Variants in MSRB3 observed in about 807,000 individuals in gnomAD.
The protein encoded by MSRB3 is methionine sulfoxide reductase B3.
A neutral mutation model predicts 21.0 loss-of-function variants in MSRB3; 13 were observed. The observed-to-expected ratio is 0.62, with a 90% CI of 0.40 to 0.98. The LOEUF (loss-of-function observed/expected upper bound fraction) is 0.98, where lower values mean the gene tolerates loss of function less well. MSRB3 is among the 50% of genes least tolerant of loss of function. The probability of loss-of-function intolerance (pLI) is 0.00; values close to 1 mark genes in which losing one functional copy is unlikely to be tolerated. For synonymous variants in MSRB3, 87 were observed against 88.6 expected (o/e 0.98, Z 0.10); for missense variants, 199 against 230.3 (o/e 0.86, Z 0.88).
intron 5 of MSRB3, among the ~76,000 whole-genome samples, chr12:65,435,210 G>A (rs941703902): frequency 6.6e-6 from 1 of 151,874 alleles, no homozygotes; most frequent in Non-Finnish European, 1.5e-5. Flanking sequence ...TTGTATAAGA[G>A]GTGGTAAAGA....
At chr12:65,407,354 T>G (rs1468237418) in intron 5 of MSRB3, among the ~76,000 whole-genome samples, 1 of 152,084 alleles carries the variant, frequency 6.6e-6, no homozygotes, top group Non-Finnish European at 1.5e-5. Context: ...TTTTTTTCTT[T>G]TAACACTTTA....
At chr12:65,375,295 A>G (rs1487299846) in intron 5 of MSRB3, among the ~76,000 whole-genome samples, 1 of 151,824 alleles carries the variant, frequency 6.6e-6, no homozygotes, top group East Asian at 1.9e-4. Context: ...CTTTCGAATA[A>G]TTTTCTATTG....
At chr12:65,408,813 G>C (rs752914537) in intron 5 of MSRB3, among the ~76,000 whole-genome samples, 4 of 152,168 alleles carry the variant, frequency 2.6e-5, no homozygotes, top group African/African-American at 7.2e-5. Flanking sequence ...CTCTGAGATT[G>C]ATTAGGCTCT....
At chr12:65,395,728 G>A (rs1215457388) in intron 5 of MSRB3, among the ~76,000 whole-genome samples, 1 of 152,118 alleles carries the variant, frequency 6.6e-6, no homozygotes, top group East Asian at 1.9e-4. Context: ...CTTCTTGTGT[G>A]AGTTGGATAG....
intron 1 of MSRB3, among the ~76,000 whole-genome samples, chr12:65,302,655 G>A (rs1873406058): frequency 6.6e-6 from 1 of 152,112 alleles, no homozygotes; most frequent in African/African-American, 2.4e-5. Flanking sequence ...AATCACAAAA[G>A]GATCTCTGTT....
chr12:65,390,285 A>C (rs1879407054), intron 5 of MSRB3, among the ~76,000 whole-genome samples: 1 of 152,160 alleles, frequency 6.6e-6, no homozygotes, highest in Non-Finnish European at 1.5e-5. Flanking sequence ...CAACTCCTTC[A>C]GCTTTGTCCT....
At chr12:65,413,521 C>G (rs1406304098) in intron 5 of MSRB3, among the ~76,000 whole-genome samples, 1 of 152,072 alleles carries the variant, frequency 6.6e-6, no homozygotes, top group East Asian at 1.9e-4. Context: ...TTAGCTTATT[C>G]TCTTCTTTTG....
rs116402668 is a variant in MSRB3 at position 65,335,849 on chromosome 12, C to T, written c.263+7246C>T. On this transcript the variant is annotated intron_variant, in intron 4 of 6. Coordinates refer to ENST00000308259, the MANE Select transcript of MSRB3 (RefSeq NM_001031679.3). ...CATAATTCCAGAAAATGTTTCTTAA[C>T]CTCTAACGAAGTACATTTAACTTGA... 4.0e-3 allele frequency among the ~76,000 whole-genome samples: 605 copies of T among 152,272 alleles called. 5 individuals carry two copies. Among genetic ancestry groups the T allele is most frequent in the African/African-American group, 0.014 (571 of 41,558 alleles).
chr12:65,388,164 A>T (rs1879288636), intron 5 of MSRB3, among the ~76,000 whole-genome samples: 1 of 152,232 alleles, frequency 6.6e-6, no homozygotes, highest in South Asian at 2.1e-4. Context: ...TAAGACTGAC[A>T]ATACATTCCC....
intron 4 of MSRB3, among the ~76,000 whole-genome samples, chr12:65,339,725 T>C (rs1036716430): frequency 1.3e-5 from 2 of 152,232 alleles, no homozygotes; most frequent in Non-Finnish European, 2.9e-5. Flanking sequence ...GTTTAGCAGC[T>C]AGCTCAACAG....
chr12:65,288,696 A>G (rs1872523561), intron 1 of MSRB3, among the ~76,000 whole-genome samples: 1 of 152,176 alleles, frequency 6.6e-6, no homozygotes, highest in Admixed American at 6.5e-5. Context: ...ATGCTTGACA[A>G]TAGATTTCAG....
At chr12:65,382,963 T>C (rs1418044519) in intron 5 of MSRB3, among the ~76,000 whole-genome samples, 1 of 152,092 alleles carries the variant, frequency 6.6e-6, no homozygotes, top group African/African-American at 2.4e-5. Context: ...TGATGAAATA[T>C]GATTTTTTTC....
chr12:65,353,263 C>T (rs1328601762), intron 4 of MSRB3, among the ~76,000 whole-genome samples: 4 of 152,082 alleles, frequency 2.6e-5, no homozygotes, highest in African/African-American at 9.7e-5. Context: ...GAGCTGAGTT[C>T]AGTTCCTGGA....
intron 5 of MSRB3, among the ~76,000 whole-genome samples, chr12:65,383,577 G>C (rs1879051989): frequency 1.3e-5 from 2 of 151,750 alleles, no homozygotes; most frequent in African/African-American, 4.8e-5. Flanking sequence ...TAAATTTCTT[G>C]GTGGTATGGG....
intron 5 of MSRB3, among the ~76,000 whole-genome samples, chr12:65,398,458 GT>G (rs1202650893): frequency 6.6e-6 from 1 of 151,898 alleles, no homozygotes; most frequent in African/African-American, 2.4e-5. Context: ...GATGGGGTTT[GT>G]TTTTTTCTTG....
At chr12:65,357,338 T>C (rs12317954) in intron 4 of MSRB3, among the ~76,000 whole-genome samples, 13,940 of 151,900 alleles carry the variant, frequency 0.092, 2,193 homozygotes, top group African/African-American at 0.32. Flanking sequence ...CGCTTTGACC[T>C]GAACTATTAT....
intron 4 of MSRB3, among the ~76,000 whole-genome samples, chr12:65,343,654 A>G (rs1876288000): frequency 6.6e-6 from 1 of 152,078 alleles, no homozygotes; most frequent in Admixed American, 6.6e-5. Flanking sequence ...TAGAAAATCA[A>G]AGCTCACAAA....
intron 1 of MSRB3, among the ~76,000 whole-genome samples, chr12:65,280,554 G>A (rs1174688799): frequency 6.6e-6 from 1 of 152,104 alleles, no homozygotes; most frequent in African/African-American, 2.4e-5. Context: ...TTTATATTTG[G>A]ACCATTTAAA....
intron 5 of MSRB3, among the ~76,000 whole-genome samples, chr12:65,383,249 T>C (rs572296581): frequency 8.9e-4 from 135 of 152,350 alleles, no homozygotes; most frequent in African/African-American, 2.9e-3. Flanking sequence ...TTGAGCTTTG[T>C]GCATTGCCTT....
Sources: gnomAD v4.1 joint callset for allele counts (sites outside exome capture counted in the v4.1 genomes callset) on GRCh38, gnomAD v4.1.1 for gene constraint, MANE v1.5 for transcripts, NCBI Gene and HGNC (gene_info 2026-07-23, HGNC 2026-07-21) for gene names.